GFM2: variants seen among roughly 807,000 people sequenced by gnomAD.
The protein encoded by GFM2 is ribosome-releasing factor 2, mitochondrial.
GFM2 carries 72 observed loss-of-function variants against 95.4 expected under a neutral mutation model. The ratio of observed to expected loss-of-function variants is 0.76; its 90% CI spans 0.62 to 0.92. GFM2 has a LOEUF of 0.92. GFM2 is among the 40% of genes least tolerant of loss of function. The pLI is 0.00. For missense variants in GFM2, 825 were observed against 924.1 expected (o/e 0.89, Z 1.39); for synonymous variants, 276 against 317.5 (o/e 0.87, Z 1.39).
chr5:74,741,004 A>AC (rs1743081661), intron 11 of GFM2, among the ~76,000 whole-genome samples: 1 of 152,202 alleles, frequency 6.6e-6, no homozygotes, highest in African/African-American at 2.4e-5. Context: ...AGAACAAAAC[A>AC]GAGTTTCCTT....
rs1057267615 is a variant in GFM2, at chr5:74,754,018, A to G, written c.305-2525T>C. 2.6e-5 allele frequency among the ~76,000 whole-genome samples: 4 copies of G among 152,348 alleles called. No individual in the cohort carries two copies. The South Asian group carries it at 8.3e-4, about 32-fold the overall frequency. On this transcript the variant is annotated intron_variant, in intron 5 of 20. Transcript: ENST00000296805. ...CTATCAGATTAACAGCAGACTTCTT[A>G]GCAGAAACCCTACCAGCTAGTAGGA...
At chr5:74,744,409 C>A in intron 10 of GFM2, among the ~76,000 whole-genome samples, 1 of 150,890 alleles carries the variant, frequency 6.6e-6, no homozygotes, top group Non-Finnish European at 1.5e-5. Flanking sequence ...AAAATGAATG[C>A]TGAATAAATT....
intron 16 of GFM2, among the ~76,000 whole-genome samples, chr5:74,732,771 T>TA (rs1202952582): frequency 3.3e-5 from 5 of 152,148 alleles, no homozygotes; most frequent in African/African-American, 1.2e-4. Flanking sequence ...TCAGGAATGG[T>TA]AAAAAATGTT....
rs979613869 is a variant in GFM2 at position 74,749,332 on chromosome 5, A to G, written c.519+1247T>C. On this transcript the variant is annotated intron_variant, in intron 7 of 20. Coordinates refer to ENST00000296805, the MANE Select transcript of GFM2 (RefSeq NM_032380.5). Reference sequence around the variant, plus strand: ...TGCCTGGCCTCTATTTTGCAGTCTTATCAACAATGTGTAAGATTTCTAGTT... The same window carrying G: ...TGCCTGGCCTCTATTTTGCAGTCTTGTCAACAATGTGTAAGATTTCTAGTT... Among the ~76,000 whole-genome samples the G allele has an allele frequency of 2.0e-5, 3 of 152,150 alleles. No individual in the cohort carries two copies. In the South Asian group the frequency reaches 6.2e-4, roughly 32 times the overall value.
chr5:74,738,576 T>C lies in GFM2; in HGVS notation c.1146A>G (p.Pro382=). 6.2e-7 allele frequency: 1 copy of C among 1,613,738 alleles called. No individual in the cohort carries two copies. Among genetic ancestry groups the C allele is most frequent in the Non-Finnish European group, 8.5e-7 (1 of 1,179,728 alleles). ...CTGAGTAAATGCGCATAAAAACCAG[T>C]GGTCCTCGCTGCTTGTCATGGAGAA... ...FKVLHDKQRG[P]LVFMRIYSGT... Residue 382 remains proline, a synonymous_variant, in exon 13 of 21, where the codon CCA becomes CCG. Transcript: ENST00000296805.
At chr5:74,750,694 C>G (rs562374958) in intron 6 of GFM2, 27 bp from the exon 7 acceptor site, 8 of 1,535,592 alleles carry the variant, frequency 5.2e-6, no homozygotes, top group Non-Finnish European at 7.2e-6. Context: ...ACGTATAATG[C>G]CTTCTTTTTA....
Position 74,760,899 on chromosome 5 carries a change from T to C in GFM2, c.148+3A>G. The stretch of plus-strand genomic sequence containing the variant: ...TAAAATTAGAAGACTCTAACATTTG[T>C]ACCTGGTAGAGAACTGCAATTTCTT... On this transcript the variant is annotated splice_donor_region_variant and intron_variant, in intron 3 of 20. Coordinates refer to ENST00000296805, the MANE Select transcript of GFM2 (RefSeq NM_032380.5). 6 of 1,569,464 alleles carry C rather than the reference T, an allele frequency of 3.8e-6. No homozygotes were observed. In the East Asian group the frequency reaches 1.3e-4, roughly 35 times the overall value.
chr5:74,726,244 GAAT>G, intron 17 of GFM2, 118 bp from the exon 18 acceptor site: 1 of 656,056 alleles, frequency 1.5e-6, no homozygotes, highest in Non-Finnish European at 2.6e-6. Context: ...AAGTGGGAGA[GAAT>G]ATTAACAATG....
chr5:74,760,509 A>G (rs781120840), intron 3 of GFM2, among the ~76,000 whole-genome samples: 1 of 152,228 alleles, frequency 6.6e-6, no homozygotes, highest in Non-Finnish European at 1.5e-5. Context: ...ATACTTAGCC[A>G]AACTACTTAT....
intron 16 of GFM2, among the ~76,000 whole-genome samples, chr5:74,732,136 T>C (rs1361224115): frequency 1.4e-5 from 2 of 146,868 alleles, no homozygotes; most frequent in African/African-American, 5.0e-5. Flanking sequence ...TAATTTTTTT[T>C]TTTTTTTTTT....
chr5:74,726,319 G>A (rs533173396), intron 17 of GFM2, among the ~76,000 whole-genome samples, 193 bp from the exon 18 acceptor site: 26 of 152,256 alleles, frequency 1.7e-4, no homozygotes, highest in African/African-American at 6.3e-4. Flanking sequence ...CTGCTTCTGT[G>A]TTGATCAATG....
chr5:74,762,757 G>A (rs1028229815), intron 2 of GFM2, among the ~76,000 whole-genome samples: 1 of 152,218 alleles, frequency 6.6e-6, no homozygotes, highest in African/African-American at 2.4e-5. Flanking sequence ...TGGGTGGGGA[G>A]TGTATACAAT....
chr5:74,726,995 C>T (rs139270774), intron 17 of GFM2, among the ~76,000 whole-genome samples: 251 of 152,072 alleles, frequency 1.7e-3, no homozygotes, highest in African/African-American at 4.5e-3. Context: ...AGCAAGACTC[C>T]GTCTCTGTAA....
intron 5 of GFM2, among the ~76,000 whole-genome samples, chr5:74,756,776 C>T (rs1230621703): frequency 6.6e-6 from 1 of 151,982 alleles, no homozygotes; most frequent in Non-Finnish European, 1.5e-5. Flanking sequence ...CCACTATTCT[C>T]GGATGGAATT....
At chr5:74,761,161 G>GA (rs1480618911) in intron 2 of GFM2, among the ~76,000 whole-genome samples, 175 bp from the exon 3 acceptor site, 1 of 152,146 alleles carries the variant, frequency 6.6e-6, no homozygotes, top group Non-Finnish European at 1.5e-5. Flanking sequence ...TATCCTAGGG[G>GA]AAAGAATAAG....
rs1744631940 is a variant in GFM2 at position 74,766,621 on chromosome 5, A to G, written c.-25+317T>C. On this transcript the variant is annotated intron_variant, in intron 1 of 20. Transcript: ENST00000296805. ...GGAATCAGTCCTGTACCTCCAAAAA[A>G]CCAGAATGTTATCTTCTTCTTTTCT... 4.6e-5 allele frequency among the ~76,000 whole-genome samples: 7 copies of G among 152,158 alleles called. No homozygotes were observed. The South Asian group carries it at 1.2e-3, about 27-fold the overall frequency.
chr5:74,744,828 C>T (rs1464596040), intron 10 of GFM2, among the ~76,000 whole-genome samples: 1 of 152,048 alleles, frequency 6.6e-6, no homozygotes, highest in African/African-American at 2.4e-5. Flanking sequence ...ACCTCAAAGC[C>T]CATCCACAGG....
At position 74,721,579 on chromosome 5, in the gene GFM2, TAAAG is replaced by T; in HGVS notation, c.*72_*75del. On this transcript the variant is annotated 3_prime_UTR_variant, in exon 21 of 21. Coordinates refer to ENST00000296805, the MANE Select transcript of GFM2 (RefSeq NM_032380.5). The stretch of plus-strand genomic sequence containing the variant: ...AACAGTACTTTATTCGTCCAATAAA[TAAAG>T]CAATAAAAATTGTTCTTACTGAAAA... 1 of 1,413,628 alleles carries T rather than the reference TAAAG, an allele frequency of 7.1e-7. No homozygotes were observed. Among genetic ancestry groups the T allele is most frequent in the African/African-American group, 1.4e-5 (1 of 69,648 alleles). 87.6% of individuals were successfully genotyped at this position (1,413,628 alleles called of 1,614,324 possible). A position where few individuals can be genotyped will look rare whatever the true frequency, so the allele number is the denominator to read the frequency against.
rs1435838329 is a variant in GFM2 at position 74,732,970 on chromosome 5, ACACACACACT to A, written c.1587+42_1587+51del. On this transcript the variant is annotated intron_variant, in intron 16 of 20. Transcript: ENST00000296805. The stretch of plus-strand genomic sequence containing the variant: ...CACACACACACACACACACACACAC[ACACACACACT>A]CTTATAGAAAGGCTTCTGGAGTTTA... 9.7e-6 allele frequency: 9 copies of A among 926,674 alleles called. No homozygotes were observed. In the East Asian group the frequency reaches 9.7e-5, roughly 10 times the overall value. 57.4% of individuals were successfully genotyped at this position (926,674 alleles called of 1,614,324 possible).
Sources: allele counts gnomAD v4.1 joint callset (sites outside exome capture counted in the v4.1 genomes callset), GRCh38; gene constraint gnomAD v4.1.1; transcripts MANE v1.5; gene names NCBI Gene and HGNC (gene_info 2026-07-23, HGNC 2026-07-21).